PGBD2: variants seen among roughly 807,000 people sequenced by gnomAD.
PGBD2 encodes piggyBac transposable element derived 2, also known as piggyBac transposable element-derived protein 2.
A neutral mutation model predicts 8.1 loss-of-function variants in PGBD2; 6 were observed. The observed-to-expected ratio is 0.74, with a 90% CI of 0.40 to 1.46. The LOEUF (loss-of-function observed/expected upper bound fraction) is 1.46, where lower values mean the gene tolerates loss of function less well. Among genes scored for constraint, PGBD2 ranks in the 40% most tolerant of loss-of-function variants. The pLI, the probability that PGBD2 is intolerant of heterozygous loss-of-function variation, is 0.02. For synonymous variants in PGBD2, 318 were observed against 272.2 expected (o/e 1.17, Z -1.66); for missense variants, 802 against 739.0 (o/e 1.09, Z -0.99).
the PGBD2 span, among the ~76,000 whole-genome samples, chr1:248,893,643 A>G: frequency 6.6e-6 from 1 of 152,140 alleles, no homozygotes; most frequent in African/African-American, 2.4e-5. Context: ...CTCTCAATGG[A>G]CATTTATTTG....
At chr1:248,916,301 G>T (rs1662095923) in intron 2 of PGBD2, among the ~76,000 whole-genome samples, 1 of 152,014 alleles carries the variant, frequency 6.6e-6, no homozygotes, top group African/African-American at 2.4e-5. Context: ...GTAGTCCCAG[G>T]TACTCGGGAG....
chr1:248,898,075 T>G, the PGBD2 span, among the ~76,000 whole-genome samples: 7 of 152,174 alleles, frequency 4.6e-5, no homozygotes, highest in African/African-American at 1.7e-4. Context: ...TGGACAGAAC[T>G]CTGATCTCCC....
upstream of PGBD2, among the ~76,000 whole-genome samples, chr1:248,905,483 G>C (rs1661605767): frequency 1.3e-5 from 2 of 151,780 alleles, no homozygotes; most frequent in African/African-American, 4.9e-5. Context: ...GTCATAACTA[G>C]AGTGGAGAGA....
the PGBD2 span, among the ~76,000 whole-genome samples, chr1:248,899,797 GA>G: frequency 0.026 from 3,222 of 125,738 alleles, 52 homozygotes; most frequent in African/African-American, 0.048. Flanking sequence ...TTTTTTTTGG[GA>G]AAAAAAAAAA....
the PGBD2 span, among the ~76,000 whole-genome samples, chr1:248,887,869 A>G: frequency 2.0e-5 from 3 of 152,228 alleles, no homozygotes; most frequent in Admixed American, 6.5e-5. Context: ...AACAGTGGAC[A>G]TAGTACTCAA....
At chr1:248,894,589 G>A in the PGBD2 span, among the ~76,000 whole-genome samples, 1 of 152,096 alleles carries the variant, frequency 6.6e-6, no homozygotes, top group Admixed American at 6.6e-5. Flanking sequence ...GGGTACCTTT[G>A]CTGATTTTAA....
chr1:248,922,287 C>T (rs1056756902), downstream of PGBD2, among the ~76,000 whole-genome samples: 5 of 152,192 alleles, frequency 3.3e-5, no homozygotes, highest in African/African-American at 9.6e-5. Context: ...TCTGGATCTC[C>T]TGACCTCGTG....
At chr1:248,873,217 C>G in the PGBD2 span, among the ~76,000 whole-genome samples, 3 of 152,300 alleles carry the variant, frequency 2.0e-5, no homozygotes, top group South Asian at 6.2e-4. Context: ...CTGCGAGTCC[C>G]GGGCCTTCCC....
At chr1:248,919,765 T>G (rs192714257), downstream of PGBD2, 26 of 167,028 alleles carry the variant, frequency 1.6e-4, no homozygotes, top group African/African-American at 6.3e-4. Context: ...TTGTCTGTCT[T>G]TTGGATTACA....
chr1:248,915,151 A>G (rs1424126821), intron 2 of PGBD2, among the ~76,000 whole-genome samples: 2 of 152,146 alleles, frequency 1.3e-5, no homozygotes, highest in African/African-American at 2.4e-5. Context: ...CTGCATAGCT[A>G]CTTGTCTGTT....
the PGBD2 span, among the ~76,000 whole-genome samples, chr1:248,898,050 C>G: frequency 4.6e-5 from 7 of 152,320 alleles, no homozygotes; most frequent in African/African-American, 7.2e-5. Context: ...TTCAGCAACT[C>G]CAGCCAGGGT....
chr1:248,878,694 T>C, the PGBD2 span, among the ~76,000 whole-genome samples: 1 of 152,222 alleles, frequency 6.6e-6, no homozygotes, highest in Admixed American at 6.5e-5. Context: ...GAAATTCCAT[T>C]GTATAACCCA....
In PGBD2 at chr1:248,919,015, A is replaced by G. The variant is rs898069349; in HGVS notation, c.*652A>G. The G allele has an allele frequency of 6.0e-5, 10 of 167,082 alleles. No individual in the cohort carries two copies. The highest frequency in any genetic ancestry group is 2.0e-4 in the Admixed American group (3 of 15,280). 10.3% of individuals were successfully genotyped at this position (167,082 alleles called of 1,614,324 possible). On this transcript the variant is annotated 3_prime_UTR_variant, in exon 3 of 3. Transcript: ENST00000329291. ...TTACATGAGATATTCTGATACAAAC[A>G]TGCAATGTATAAAAATCACATCAGG...
the PGBD2 span, among the ~76,000 whole-genome samples, chr1:248,883,003 T>C: frequency 6.6e-6 from 1 of 152,248 alleles, no homozygotes; most frequent in African/African-American, 2.4e-5. Context: ...ATGGTATGTA[T>C]GTATATATTT....
At chr1:248,905,067 C>T (rs966450501), upstream of PGBD2, among the ~76,000 whole-genome samples, 1 of 152,212 alleles carries the variant, frequency 6.6e-6, no homozygotes, top group Non-Finnish European at 1.5e-5. Context: ...CCCTACCTTA[C>T]CTAGAGTAGC....
upstream of PGBD2, among the ~76,000 whole-genome samples, chr1:248,904,409 G>C (rs1572267838): frequency 6.6e-6 from 1 of 152,066 alleles, no homozygotes; most frequent in East Asian, 1.9e-4. Flanking sequence ...AAAATGTCTA[G>C]ATGGACTCTT....
At chr1:248,925,529 A>G in the PGBD2 span, among the ~76,000 whole-genome samples, 2 of 151,964 alleles carry the variant, frequency 1.3e-5, no homozygotes, top group Non-Finnish European at 2.9e-5. Context: ...TCAAAGCATC[A>G]GAAGAAATAC....
intron 1 of PGBD2, among the ~76,000 whole-genome samples, chr1:248,906,823 GTCTT>G (rs1235837105): frequency 2.0e-5 from 3 of 152,136 alleles, no homozygotes; most frequent in South Asian, 2.1e-4. Flanking sequence ...GTTTCTGAGG[GTCTT>G]TGTTTGCCCT....
chr1:248,917,774 C>A lies in PGBD2; in HGVS notation c.1190C>A (p.Ser397Ter), dbSNP rs1183469476. Reference protein sequence around the residue: ...PKELKKMKRGSFDYKVDESEE... With the variant: ...PKELKKMKRG Reference sequence around the variant, plus strand: ...GAACTGAAAAAAATGAAGAGGGGTTCATTTGATTACAAAGTCGATGAGAGT... The same window carrying A: ...GAACTGAAAAAAATGAAGAGGGGTTAATTTGATTACAAAGTCGATGAGAGT... Residue 397 changes from serine (S) to a stop codon, truncating the protein, a stop_gained, in exon 3 of 3, where the codon TCA becomes TAA. Transcript: ENST00000329291. LOFTEE classifies it low-confidence loss of function (END_TRUNC). 1.2e-6 allele frequency: 2 copies of A among 1,614,192 alleles called. No individual in the cohort carries two copies. Among genetic ancestry groups the A allele is most frequent in the South Asian group, 2.2e-5 (2 of 91,090 alleles).
Sources: gnomAD v4.1 joint callset for allele counts (sites outside exome capture counted in the v4.1 genomes callset) on GRCh38, gnomAD v4.1.1 for gene constraint, MANE v1.5 for transcripts, NCBI Gene and HGNC (gene_info 2026-07-23, HGNC 2026-07-21) for gene names.